The following OR6Y1 variants were observed in gnomAD, a reference collection of about 807,000 sequenced individuals.
OR6Y1 encodes olfactory receptor 6Y1.
OR6Y1 carries 1 observed loss-of-function variant against 0.4 expected under a neutral mutation model. The observed-to-expected ratio is 2.74, with a 90% confidence interval of 0.97 to 13.02. OR6Y1 has a LOEUF of 13.02. Ranked by LOEUF, OR6Y1 falls within the 30% of genes most tolerant of loss-of-function variation. The pLI is 0.12. For synonymous variants in OR6Y1, 173 were observed against 141.1 expected, an observed-to-expected ratio of 1.23 and a Z score of -1.60; for missense variants, 480 against 399.8, an observed-to-expected ratio of 1.20 and a Z score of -1.71.
At chr1:158,554,157 A>G (rs1342454731) in intron 1 of OR6Y1, 109 bp downstream of exon 1, 1 of 152,258 alleles carries the variant, frequency 6.6e-6, no homozygotes, top group African/African-American at 2.4e-5. Flanking sequence ...TCAGTAATTT[A>G]CATACAATTT....
In OR6Y1 at chr1:158,549,072, G is replaced by GGT. The variant is rs1368975797; in HGVS notation, c.-969_-968dup. The stretch of plus-strand genomic sequence containing the variant: ...CCCCTGCCAAAAACAGCAAAAAACT[G>GGT]GTGCAAACAGCAGCCATTGTTAATG... On this transcript the variant is annotated 5_prime_UTR_variant, in exon 2 of 2. An upstream open reading frame in the 5' UTR loses its in-frame stop. Transcript: ENST00000641622. 1.3e-5 allele frequency: 2 copies of GGT among 151,534 alleles called. No homozygotes were observed. The highest frequency in any genetic ancestry group is 1.5e-5 in the Non-Finnish European group (1 of 68,006). 9.4% of individuals were successfully genotyped at this position (151,534 alleles called of 1,614,324 possible).
chr1:158,550,212 T>G (rs1345919430), intron 1 of OR6Y1, among the ~76,000 whole-genome samples: 1 of 121,418 alleles, frequency 8.2e-6, no homozygotes, highest in African/African-American at 3.5e-5. Flanking sequence ...TAACATATTC[T>G]CCATTCCTTT....
At chr1:158,551,743 T>TACACAC (rs144175888) in intron 1 of OR6Y1, among the ~76,000 whole-genome samples, 28,317 of 139,422 alleles carry the variant, frequency 0.2, 2,909 homozygotes, top group East Asian at 0.34. Context: ...TTGTAGTGAT[T>TACACAC]ACACACACAC....
In OR6Y1 at chr1:158,548,000, A is replaced by C. The variant is rs1647600629; in HGVS notation, c.106T>G (p.Phe36Val). The change falls in exon 2 of 2, where the codon TTC becomes GTC. Residue 36 changes from phenylalanine to valine, a missense_variant. Coordinates refer to ENST00000641622, the MANE Select transcript of OR6Y1 (RefSeq NM_001005189.2). ...PAFQLLFFSIFLATYLLTLLE... is the reference protein window; with the variant it reads ...PAFQLLFFSIVLATYLLTLLE... Reference sequence around the variant, plus strand: ...AGTGTCAGCAGATAGGTTGCCAGGAAAATGGAGAAAAAGAGAAGCTGGAAG... The same window carrying C: ...AGTGTCAGCAGATAGGTTGCCAGGACAATGGAGAAAAAGAGAAGCTGGAAG... 3.7e-6 allele frequency: 6 copies of C among 1,613,414 alleles called. No individual in the cohort carries two copies. Among genetic ancestry groups the C allele is most frequent in the Non-Finnish European group, 5.1e-6 (6 of 1,179,976 alleles).
At chr1:158,549,689 C>T (rs1557896258) in intron 1 of OR6Y1, among the ~76,000 whole-genome samples, 152 bp from the exon 2 acceptor site, 1 of 151,762 alleles carries the variant, frequency 6.6e-6, no homozygotes, top group African/African-American at 2.4e-5. Context: ...AACACATGCA[C>T]AAACACAAAC....
Position 158,546,946 on chromosome 1 carries a change from A to G in OR6Y1, c.*182T>C, listed in dbSNP as rs1647552722. On this transcript the variant is annotated 3_prime_UTR_variant, in exon 2 of 2. Transcript: ENST00000641622. ...GTCTCTCAGCCTGATACCAGAGGTT[A>G]CTTCTTGAGAACATGTTTCTCCAGT... The G allele has an allele frequency of 1.9e-6, 1 of 528,094 alleles. No homozygotes were observed. Among genetic ancestry groups the G allele is most frequent in the African/African-American group, 1.9e-5 (1 of 51,652 alleles). The allele number at this position is 528,094 out of a possible 1,614,324, so 32.7% of individuals were successfully genotyped here. A position where few individuals can be genotyped will look rare whatever the true frequency, so the allele number is the denominator to read the frequency against.
chr1:158,547,122 C>A lies in OR6Y1; in HGVS notation c.*6G>T. Reference sequence around the variant, plus strand: ...AGTTCAAGCCTGAAAGGAATCTATACATTTTTTAACTACTGAAAGCCCCAT... The same window carrying A: ...AGTTCAAGCCTGAAAGGAATCTATAAATTTTTTAACTACTGAAAGCCCCAT... On this transcript the variant is annotated 3_prime_UTR_variant, in exon 2 of 2. Transcript: ENST00000641622. The A allele has an allele frequency of 6.2e-7, 1 of 1,607,582 alleles. No homozygotes were observed. Among genetic ancestry groups the A allele is most frequent in the Non-Finnish European group, 8.5e-7 (1 of 1,177,702 alleles).
At chr1:158,551,392 C>CT (rs902927988) in intron 1 of OR6Y1, among the ~76,000 whole-genome samples, 31 of 151,508 alleles carry the variant, frequency 2.0e-4, no homozygotes, top group African/African-American at 6.3e-4. Context: ...ATTCAAAGTT[C>CT]TTTTTTTTCC....
intron 1 of OR6Y1, among the ~76,000 whole-genome samples, chr1:158,551,229 C>T (rs1021709231): frequency 6.6e-6 from 1 of 151,436 alleles, no homozygotes; most frequent in African/African-American, 2.4e-5. Context: ...GGCTGAGAGC[C>T]AAGAGTCAGT....
At position 158,549,432 on chromosome 1, in the gene OR6Y1, ATGG is replaced by A. The variant is rs56875001; in HGVS notation, c.-1330_-1328del. On this transcript the variant is annotated 5_prime_UTR_variant, in exon 2 of 2. Transcript: ENST00000641622. ...CATAAATATGTAGGACAACTAGGGGATGGTTTTTTTTTTTTTTTAAGGAATGAT... is the reference window on the plus strand; with the variant it reads ...CATAAATATGTAGGACAACTAGGGGATTTTTTTTTTTTTTTAAGGAATGAT... 67,348 of 147,456 alleles carry A rather than the reference ATGG, an allele frequency of 0.46. 15,553 individuals carry two copies. Among genetic ancestry groups the A allele is most frequent in the East Asian group, 0.58 (2,915 of 5,046 alleles). 9.1% of individuals were successfully genotyped at this position (147,456 alleles called of 1,614,324 possible).
chr1:158,549,911 C>G (rs553476031), intron 1 of OR6Y1, among the ~76,000 whole-genome samples: 2 of 151,772 alleles, frequency 1.3e-5, no homozygotes, highest in African/African-American at 4.9e-5. Flanking sequence ...ATCTTGCTCT[C>G]TCTTACTATA....
rs1396776953 is a variant in OR6Y1, at chr1:158,548,769, C to T, written c.-664G>A. 1 of 151,800 alleles carries T rather than the reference C, an allele frequency of 6.6e-6. No homozygotes were observed. The highest frequency in any genetic ancestry group is 1.5e-5 in the Non-Finnish European group (1 of 68,026). 9.4% of individuals were successfully genotyped at this position (151,800 alleles called of 1,614,324 possible). On this transcript the variant is annotated 5_prime_UTR_variant, in exon 2 of 2. Transcript: ENST00000641622. ...ATAAAGTGCTTGCTTAGGAGTTTGACAAAAGTGCATTCAAATCCAACTTTT... is the reference window on the plus strand; with the variant it reads ...ATAAAGTGCTTGCTTAGGAGTTTGATAAAAGTGCATTCAAATCCAACTTTT...
Position 158,548,398 on chromosome 1 carries a change from T to C in OR6Y1, c.-293A>G, listed in dbSNP as rs1647612451. 1 of 268,986 alleles carries C rather than the reference T, an allele frequency of 3.7e-6. No homozygotes were observed. The highest frequency in any genetic ancestry group is 2.3e-5 in the African/African-American group (1 of 44,250). 16.7% of individuals were successfully genotyped at this position (268,986 alleles called of 1,614,324 possible). A position where few individuals can be genotyped will look rare whatever the true frequency, so the allele number is the denominator to read the frequency against. ...AAATCCCAGTTCTGTGCTTTACCAA[T>C]ATATCACTTTTGGGCACATAAATGG... On this transcript the variant is annotated 5_prime_UTR_variant, in exon 2 of 2. It adds an upstream start codon to the 5' untranslated region. Transcript: ENST00000641622.
In OR6Y1 at chr1:158,547,354, G is replaced by A. The variant is rs1050836757; in HGVS notation, c.752C>T (p.Thr251Ile). 1.9e-6 allele frequency: 3 copies of A among 1,613,574 alleles called. No individual in the cohort carries two copies. The highest frequency in any genetic ancestry group is 2.5e-6 in the Non-Finnish European group (3 of 1,179,986). ...KAFSTCASHL[T>I]VVILFYSMTL... is the part of the protein sequence containing the mutation. ...CATGGAATAGAAGAGAATTACGACG[G>A]TCAGGTGGGAGGCACAGGTGGAGAA... Residue 251 changes from threonine to isoleucine, a missense_variant, in exon 2 of 2, where the codon ACC (threonine) becomes ATC (isoleucine). Coordinates refer to ENST00000641622, the MANE Select transcript of OR6Y1 (RefSeq NM_001005189.2).
chr1:158,552,356 A>G (rs930458546), intron 1 of OR6Y1, among the ~76,000 whole-genome samples: 1 of 151,704 alleles, frequency 6.6e-6, no homozygotes, highest in Non-Finnish European at 1.5e-5. Flanking sequence ...TCATCAGGCT[A>G]TGGAAAATAC....
chr1:158,552,240 G>GTGTATATATA (rs1553215920), intron 1 of OR6Y1, among the ~76,000 whole-genome samples: 2 of 139,290 alleles, frequency 1.4e-5, no homozygotes, highest in Non-Finnish European at 3.1e-5. Context: ...ATATATATAT[G>GTGTATATATA]TATATATATA....
At position 158,547,110 on chromosome 1, in the gene OR6Y1, A is replaced by G. The variant is rs758964824; in HGVS notation, c.*18T>C. On this transcript the variant is annotated 3_prime_UTR_variant, in exon 2 of 2. Coordinates refer to ENST00000641622, the MANE Select transcript of OR6Y1 (RefSeq NM_001005189.2). ...TGATCATCTCTCAGTTCAAGCCTGA[A>G]AGGAATCTATACATTTTTTAACTAC... is the stretch of plus-strand genomic sequence containing the variant. 65 of 1,600,718 alleles carry G rather than the reference A, an allele frequency of 4.1e-5. No individual in the cohort carries two copies. The South Asian group carries it at 7.1e-4, about 18-fold the overall frequency.
chr1:158,553,610 T>A (rs1440280998), intron 1 of OR6Y1, among the ~76,000 whole-genome samples: 1 of 152,236 alleles, frequency 6.6e-6, no homozygotes, highest in Middle Eastern at 3.4e-3. Flanking sequence ...ATAAGCCATC[T>A]GATCCTCCAG....
rs1647489009 is a variant in OR6Y1 at position 158,545,326 on chromosome 1, T to TGTGG, written c.*1798_*1801dup. Reference sequence around the variant, plus strand: ...AGGAACATCACACTCCGGGGAATGTTGTGGGTGGGGGGAGGGGGGAGGGAT... The same window carrying TGTGG: ...AGGAACATCACACTCCGGGGAATGTTGTGGGTGGGTGGGGGGAGGGGGGAGGGAT... On this transcript the variant is annotated 3_prime_UTR_variant, in exon 2 of 2. Coordinates refer to ENST00000641622, the MANE Select transcript of OR6Y1 (RefSeq NM_001005189.2). The TGTGG allele has an allele frequency of 1.2e-5, 1 of 80,984 alleles. No homozygotes were observed. The highest frequency in any genetic ancestry group is 4.1e-4 in the East Asian group (1 of 2,448). The allele number at this position is 80,984 out of a possible 1,614,324, so 5.0% of individuals were successfully genotyped here. A position where few individuals can be genotyped will look rare whatever the true frequency, so the allele number is the denominator to read the frequency against.
Sources: allele counts gnomAD v4.1 joint callset (sites outside exome capture counted in the v4.1 genomes callset), GRCh38; gene constraint gnomAD v4.1.1; transcripts MANE v1.5; gene names NCBI Gene and HGNC (gene_info 2026-07-23, HGNC 2026-07-21).